SLC14A2: variants seen among roughly 807,000 people sequenced by gnomAD.
SLC14A2 encodes solute carrier family 14 member 2, also known as urea transporter 2.
SLC14A2 carries 91 observed loss-of-function variants against 104.6 expected under a neutral mutation model. That is an observed-to-expected ratio of 0.87 (90% CI 0.73 to 1.04). The LOEUF is 1.04. Ranked by LOEUF, SLC14A2 falls within the 50% of genes least tolerant of loss-of-function variation. The probability of loss-of-function intolerance (pLI) is 0.00; values close to 1 mark genes in which losing one functional copy is unlikely to be tolerated. For missense variants in SLC14A2, 1,189 were observed against 1,156.0 expected (o/e 1.03, Z -0.41); for synonymous variants, 476 against 466.4 (o/e 1.02, Z -0.27).
chr18:45,256,099 C>G (rs1393401793), intron 1 of SLC14A2, among the ~76,000 whole-genome samples: 1 of 152,142 alleles, frequency 6.6e-6, no homozygotes, highest in African/African-American at 2.4e-5. Context: ...AACAAATGTC[C>G]ACCCCTATCC....
intron 2 of SLC14A2, among the ~76,000 whole-genome samples, chr18:45,568,869 CAAG>C (rs2144329979): frequency 6.6e-6 from 1 of 152,270 alleles, no homozygotes; most frequent in Admixed American, 6.5e-5. Flanking sequence ...TGGAATAAAA[CAAG>C]AGTAATACAG....
At chr18:45,493,990 G>A (rs2043046376) in intron 2 of SLC14A2, among the ~76,000 whole-genome samples, 1 of 152,202 alleles carries the variant, frequency 6.6e-6, no homozygotes. Context: ...GCCAAATCAT[G>A]TCTGCAAAGA....
chr18:45,615,264 G>A (rs535385039), upstream of SLC14A2: 4 of 152,188 alleles, frequency 2.6e-5, no homozygotes, highest in African/African-American at 4.8e-5. Context: ...ATATCTGGGA[G>A]GGGCCAGGGG....
chr18:45,213,552 C>T (rs574407666), intron 1 of SLC14A2, among the ~76,000 whole-genome samples: 7 of 152,218 alleles, frequency 4.6e-5, no homozygotes, highest in African/African-American at 1.7e-4. Flanking sequence ...AAATGCAGGC[C>T]ATTATGGCTC....
At chr18:45,641,463 C>A in intron 8 of SLC14A2, 120 bp downstream of exon 8, 1 of 1,160,102 alleles carries the variant, frequency 8.6e-7, no homozygotes, top group Non-Finnish European at 1.3e-6. Context: ...AGGCCAATGG[C>A]TTGCGTCCTA....
intron 2 of SLC14A2, among the ~76,000 whole-genome samples, chr18:45,586,073 A>C (rs1188553079): frequency 6.6e-6 from 1 of 152,260 alleles, no homozygotes; most frequent in Non-Finnish European, 1.5e-5. Context: ...ATGTTAATAC[A>C]TATATAATAC....
At chr18:45,443,290 G>A (rs1214055974) in intron 1 of SLC14A2, among the ~76,000 whole-genome samples, 1 of 152,196 alleles carries the variant, frequency 6.6e-6, no homozygotes, top group Non-Finnish European at 1.5e-5. Flanking sequence ...AAGACCCAAA[G>A]ATGCAGGGAA....
At chr18:45,477,238 C>T (rs1370644507) in intron 1 of SLC14A2, among the ~76,000 whole-genome samples, 3 of 152,168 alleles carry the variant, frequency 2.0e-5, no homozygotes, top group Non-Finnish European at 4.4e-5. Context: ...CAGCCAGGCC[C>T]CTCTGCAGCA....
intron 1 of SLC14A2, among the ~76,000 whole-genome samples, chr18:45,404,811 A>G (rs2086135724): frequency 6.6e-6 from 1 of 152,230 alleles, no homozygotes; most frequent in Non-Finnish European, 1.5e-5. Context: ...TGGAGAAAGT[A>G]CAACTGGATT....
chr18:45,407,457 T>C (rs919191131), intron 1 of SLC14A2, among the ~76,000 whole-genome samples: 2 of 152,218 alleles, frequency 1.3e-5, no homozygotes, highest in African/African-American at 4.8e-5. Context: ...TTTCTTCATA[T>C]CAGCAATAAG....
At chr18:45,409,807 T>C (rs144154718) in intron 1 of SLC14A2, among the ~76,000 whole-genome samples, 3,644 of 152,352 alleles carry the variant, frequency 0.024, 68 homozygotes, top group Middle Eastern at 0.054. Context: ...GGACTGGTTG[T>C]GTGGAAGATA....
chr18:45,668,331 C>T lies in SLC14A2; in HGVS notation c.1908-18C>T, dbSNP rs2046066786. On this transcript the variant is annotated intron_variant, in intron 14 of 19. Coordinates refer to ENST00000255226, the MANE Select transcript of SLC14A2 (RefSeq NM_007163.4). ...CTGGGGAAGCCCCTGCTCCACCTGA[C>T]CCTCCCTCTCCTGCCAGGTCGGCCA... 2 of 1,613,374 alleles carry T rather than the reference C, an allele frequency of 1.2e-6. No homozygotes were observed. The highest frequency in any genetic ancestry group is 8.5e-7 in the Non-Finnish European group (1 of 1,179,804).
the SLC14A2 span, among the ~76,000 whole-genome samples, chr18:45,183,011 C>T: frequency 4.1e-4 from 63 of 152,190 alleles, no homozygotes; most frequent in South Asian, 2.3e-3. Flanking sequence ...GTGACTAGAA[C>T]AGTATAAATG....
chr18:45,418,532 A>G (rs2086303236), intron 1 of SLC14A2, among the ~76,000 whole-genome samples: 1 of 152,226 alleles, frequency 6.6e-6, no homozygotes. Context: ...GCATTTGTCA[A>G]GGACCCAGGT....
In SLC14A2 at chr18:45,641,260, A is replaced by G. The variant is rs761841464; in HGVS notation, c.1043A>G (p.Tyr348Cys). 6 of 1,614,076 alleles carry G rather than the reference A, an allele frequency of 3.7e-6. No homozygotes were observed. The South Asian group carries it at 6.6e-5, about 18-fold the overall frequency. ...FETIYTGLWS[Y>C]NCVLSCIAIG... is the part of the protein sequence containing the mutation. Reference sequence around the variant, plus strand: ...ACCATCTACACAGGCCTCTGGAGCTACAACTGCGTCCTCTCCTGCATCGCC... The same window carrying G: ...ACCATCTACACAGGCCTCTGGAGCTGCAACTGCGTCCTCTCCTGCATCGCC... The change falls in exon 8 of 20, where the codon TAC becomes TGC. Residue 348 changes from tyrosine to cysteine, a missense_variant. Transcript: ENST00000255226.
intron 16 of SLC14A2, among the ~76,000 whole-genome samples, chr18:45,670,854 C>T (rs2046121276): frequency 6.6e-6 from 1 of 152,090 alleles, no homozygotes; most frequent in South Asian, 2.1e-4. Context: ...GTAGAGATCG[C>T]TCTTGTCATT....
At chr18:45,585,261 A>G (rs766923296) in intron 2 of SLC14A2, among the ~76,000 whole-genome samples, 1 of 152,140 alleles carries the variant, frequency 6.6e-6, no homozygotes, top group Non-Finnish European at 1.5e-5. Context: ...TCTATTTTAA[A>G]TTGTAACTCC....
intron 2 of SLC14A2, among the ~76,000 whole-genome samples, chr18:45,567,466 G>C (rs1384382737): frequency 6.6e-6 from 1 of 152,220 alleles, no homozygotes; most frequent in South Asian, 2.1e-4. Context: ...TGTTATCCTT[G>C]AGCAAAGGGA....
chr18:45,569,168 T>G (rs975248083), intron 2 of SLC14A2, among the ~76,000 whole-genome samples: 1 of 152,222 alleles, frequency 6.6e-6, no homozygotes, highest in African/African-American at 2.4e-5. Context: ...TTATCCCAAC[T>G]GCTTCTCAAC....
Sources: gnomAD v4.1 joint callset for allele counts (sites outside exome capture counted in the v4.1 genomes callset) on GRCh38, gnomAD v4.1.1 for gene constraint, MANE v1.5 for transcripts, NCBI Gene and HGNC (gene_info 2026-07-23, HGNC 2026-07-21) for gene names.